The following HMGCL variants were observed in gnomAD, a reference collection of about 807,000 sequenced individuals.
HMGCL encodes the protein 3-hydroxy-3-methylglutaryl-CoA lyase, also known as hydroxymethylglutaryl-CoA lyase, mitochondrial.
HMGCL carries 26 observed loss-of-function variants against 37.3 expected under a neutral mutation model. That is an observed-to-expected ratio of 0.70 (90% CI 0.51 to 0.97). HMGCL has a LOEUF of 0.97. Ranked by LOEUF, HMGCL falls within the 50% of genes least tolerant of loss-of-function variation. The pLI is 0.00. For missense variants in HMGCL, 379 were observed against 398.1 expected (o/e 0.95, Z 0.41); for synonymous variants, 151 against 148.0 (o/e 1.02, Z -0.15).
intron 8 of HMGCL, among the ~76,000 whole-genome samples, chr1:23,803,193 C>G (rs1360817619): frequency 2.6e-5 from 4 of 152,108 alleles, no homozygotes; most frequent in African/African-American, 9.7e-5. Context: ...TGCCACCACA[C>G]CCAGCTAATT....
chr1:23,815,739 C>T (rs1450749247), intron 4 of HMGCL, among the ~76,000 whole-genome samples: 1 of 151,960 alleles, frequency 6.6e-6, no homozygotes, highest in East Asian at 1.9e-4. Flanking sequence ...TCATGATCCG[C>T]CCGCCCTGGT....
rs576601189 is a variant in HMGCL, at chr1:23,816,974, A to G, written c.253-204T>C. On this transcript the variant is annotated intron_variant, in intron 3 of 8. Coordinates refer to ENST00000374490, the MANE Select transcript of HMGCL (RefSeq NM_000191.3). The stretch of plus-strand genomic sequence containing the variant: ...GGCCCTTGGTTTGGCTGAGATCCCA[A>G]TTTCTCCATATGGCCCATACTGCCA... Among the ~76,000 whole-genome samples the G allele has an allele frequency of 4.6e-5, 7 of 152,258 alleles. No individual in the cohort carries two copies. The South Asian group carries it at 6.2e-4, about 14-fold the overall frequency.
chr1:23,814,133 G>C, intron 5 of HMGCL, 57 bp downstream of exon 5: 1 of 1,596,558 alleles, frequency 6.3e-7, no homozygotes, highest in Non-Finnish European at 8.6e-7. Context: ...TTGAGTCAGA[G>C]TCTAGCCCCA....
intron 1 of HMGCL, 131 bp from the exon 2 acceptor site, chr1:23,820,724 C>A (rs1638703062): frequency 1.4e-6 from 1 of 727,066 alleles, no homozygotes; most frequent in South Asian, 1.5e-5. Flanking sequence ...CCATTTAATT[C>A]ACATTTGGTC....
chr1:23,814,528 G>A (rs1053160450), intron 4 of HMGCL, among the ~76,000 whole-genome samples, 190 bp from the exon 5 acceptor site: 23 of 152,050 alleles, frequency 1.5e-4, no homozygotes, highest in Middle Eastern at 3.4e-3. Context: ...CCACCACCAC[G>A]CCCGGCTAAT....
Position 23,810,710 on chromosome 1 carries a change from C to A in HMGCL, c.561+26G>T, listed in dbSNP as rs975604036. On this transcript the variant is annotated intron_variant, in intron 6 of 8. Transcript: ENST00000374490. ...GACAAGGTGGCCAACCCTCACCAAA[C>A]CCCCCGCCCTGACACATGCACACAC... is the stretch of plus-strand genomic sequence containing the variant. 8 of 1,607,888 alleles carry A rather than the reference C, an allele frequency of 5.0e-6. No individual in the cohort carries two copies. The Admixed American group carries it at 1.2e-4, about 23-fold the overall frequency.
At chr1:23,804,279 C>T (rs983579578) in intron 8 of HMGCL, 121 bp downstream of exon 8, 2 of 1,258,806 alleles carry the variant, frequency 1.6e-6, no homozygotes, top group African/African-American at 1.5e-5. Flanking sequence ...CCTGGCTAAC[C>T]CTTTCCCTCT....
At chr1:23,811,420 T>TA (rs1414138865) in intron 5 of HMGCL, among the ~76,000 whole-genome samples, 2 of 152,048 alleles carry the variant, frequency 1.3e-5, no homozygotes, top group Non-Finnish European at 2.9e-5. Flanking sequence ...AGATGGCCAA[T>TA]AAAAAAGCAA....
chr1:23,807,023 C>T (rs1380206609), intron 7 of HMGCL: 1 of 518,994 alleles, frequency 1.9e-6, no homozygotes, highest in Non-Finnish European at 3.8e-6. Context: ...CCAGACGTCA[C>T]ACAGCTCAAC....
At chr1:23,825,206 G>T in intron 1 of HMGCL, 150 bp downstream of exon 1, 1 of 671,282 alleles carries the variant, frequency 1.5e-6, no homozygotes, top group South Asian at 1.6e-5. Context: ...GAGGGGAAAA[G>T]GGAGGGTCCA....
intron 6 of HMGCL, 113 bp from the exon 7 acceptor site, chr1:23,808,436 AGTTCCTACTG>A: frequency 1.2e-6 from 1 of 841,330 alleles, no homozygotes; most frequent in South Asian, 1.3e-5. Context: ...TGACGCACTC[AGTTCCTACTG>A]GATTACATGC....
At position 23,808,294 on chromosome 1, in the gene HMGCL, G is replaced by A. The variant is rs776467475; in HGVS notation, c.591C>T (p.Cys197=). The A allele has an allele frequency of 3.1e-6, 5 of 1,613,944 alleles. No individual in the cohort carries two copies. ...TGGTGTCCCCCAGGGAGATCTCGTAGCAGCCCATTGAGTAGAACTTCTTGG... is the reference window on the plus strand; with the variant it reads ...TGGTGTCCCCCAGGGAGATCTCGTAACAGCCCATTGAGTAGAACTTCTTGG... ...EVTKKFYSMG[C]YEISLGDTIG... The change falls in exon 7 of 9, where the codon TGC becomes TGT. Residue 197 remains cysteine, a synonymous_variant. Transcript: ENST00000374490.
At chr1:23,820,876 T>C (rs780521172) in intron 1 of HMGCL, among the ~76,000 whole-genome samples, 11 of 152,182 alleles carry the variant, frequency 7.2e-5, no homozygotes, top group Non-Finnish European at 1.2e-4. Flanking sequence ...CATCTCTTCA[T>C]ATAGCAGTCC....
At chr1:23,813,208 C>T (rs561086900) in intron 5 of HMGCL, among the ~76,000 whole-genome samples, 5 of 144,378 alleles carry the variant, frequency 3.5e-5, no homozygotes, top group Admixed American at 2.1e-4. Flanking sequence ...CACTTTTCAA[C>T]GATCATTCTG....
At chr1:23,816,224 C>CA in intron 4 of HMGCL, 2 of 266,426 alleles carry the variant, frequency 7.5e-6, no homozygotes, top group South Asian at 8.2e-5. Flanking sequence ...TGTGCCCAGC[C>CA]AAAAAAAGGT....
At chr1:23,824,812 T>C (rs1297907171) in intron 1 of HMGCL, among the ~76,000 whole-genome samples, 1 of 152,152 alleles carries the variant, frequency 6.6e-6, no homozygotes, top group Non-Finnish European at 1.5e-5. Context: ...TACAGCTACG[T>C]CTCCCACACT....
At chr1:23,812,755 C>A (rs185245264) in intron 5 of HMGCL, among the ~76,000 whole-genome samples, 2 of 152,150 alleles carry the variant, frequency 1.3e-5, no homozygotes, top group Non-Finnish European at 1.5e-5. Context: ...GGAACTTGAA[C>A]GGTACGGCTA....
chr1:23,820,481 CTG>C, intron 2 of HMGCL, 27 bp downstream of exon 2: 5 of 1,533,006 alleles, frequency 3.3e-6, no homozygotes, highest in Middle Eastern at 1.7e-4. Flanking sequence ...CTTGAAAAAA[CTG>C]TTTTTTTGGC....
intron 5 of HMGCL, among the ~76,000 whole-genome samples, chr1:23,812,525 T>C (rs1638537068): frequency 6.6e-6 from 1 of 152,066 alleles, no homozygotes; most frequent in Non-Finnish European, 1.5e-5. Flanking sequence ...CCTGGCTTTT[T>C]TTTTGTAGAG....
Sources: allele counts gnomAD v4.1 joint callset (sites outside exome capture counted in the v4.1 genomes callset), GRCh38; gene constraint gnomAD v4.1.1; transcripts MANE v1.5; gene names NCBI Gene and HGNC (gene_info 2026-07-23, HGNC 2026-07-21).